PLCB1: variants seen among roughly 807,000 people sequenced by gnomAD.
The protein encoded by PLCB1 is 1-phosphatidylinositol 4,5-bisphosphate phosphodiesterase beta-1.
PLCB1 carries 46 observed loss-of-function variants against 161.8 expected under a neutral mutation model. That is an observed-to-expected ratio of 0.28 (90% confidence interval 0.22 to 0.36). The LOEUF (loss-of-function observed/expected upper bound fraction) is 0.36, where lower values mean the gene tolerates loss of function less well. PLCB1 is among the 10% of genes least tolerant of loss of function. The pLI is 1.00. For synonymous variants in PLCB1, 517 were observed against 503.7 expected, an observed-to-expected ratio of 1.03 and a Z score of -0.35; for missense variants, 1,016 against 1,472.5, an observed-to-expected ratio of 0.69 and a Z score of 5.07.
chr20:8,779,065 T>A (rs1270331181), intron 27 of PLCB1, among the ~76,000 whole-genome samples: 2 of 152,066 alleles, frequency 1.3e-5, no homozygotes, highest in East Asian at 3.9e-4. Context: ...AAAGAAGTAT[T>A]TGGGTGATGA....
At chr20:8,367,895 T>G (rs888204967) in intron 2 of PLCB1, among the ~76,000 whole-genome samples, 8 of 152,106 alleles carry the variant, frequency 5.3e-5, no homozygotes, top group African/African-American at 1.9e-4. Flanking sequence ...CTGTGGTATG[T>G]TAATAGAAGT....
intron 3 of PLCB1, among the ~76,000 whole-genome samples, chr20:8,471,805 TTC>T (rs1271799469): frequency 6.6e-6 from 1 of 152,138 alleles, no homozygotes; most frequent in Non-Finnish European, 1.5e-5. Flanking sequence ...CTGGGTAAGT[TTC>T]TCTCTTTTCA....
At chr20:8,453,312 A>C (rs1981157837) in intron 3 of PLCB1, among the ~76,000 whole-genome samples, 1 of 152,246 alleles carries the variant, frequency 6.6e-6, no homozygotes. Context: ...TGAAGGATAG[A>C]GATGATAACA....
intron 2 of PLCB1, among the ~76,000 whole-genome samples, chr20:8,254,844 T>C (rs2123230102): frequency 6.6e-6 from 1 of 152,176 alleles, no homozygotes; most frequent in East Asian, 1.9e-4. Flanking sequence ...TCTTGAATAA[T>C]AAAATTACAG....
chr20:8,156,640 C>T (rs1282372071), intron 2 of PLCB1, among the ~76,000 whole-genome samples: 1 of 152,184 alleles, frequency 6.6e-6, no homozygotes, highest in Non-Finnish European at 1.5e-5. Flanking sequence ...GTTGAGGAAA[C>T]CAGCTTTGAA....
intron 31 of PLCB1, chr20:8,880,950 AC>A: frequency 7.2e-6 from 1 of 139,312 alleles, no homozygotes; most frequent in African/African-American, 2.8e-5. Context: ...CACCACAACC[AC>A]TGCCTCCTGG....
chr20:8,494,445 A>G (rs1031035444), intron 3 of PLCB1, among the ~76,000 whole-genome samples: 3 of 152,238 alleles, frequency 2.0e-5, no homozygotes, highest in African/African-American at 7.2e-5. Flanking sequence ...GCCATGACCC[A>G]GCAGAATATT....
chr20:8,746,175 A>G (rs926653976), intron 23 of PLCB1, among the ~76,000 whole-genome samples: 1 of 152,042 alleles, frequency 6.6e-6, no homozygotes, highest in African/African-American at 2.4e-5. Context: ...CAGGTGATCC[A>G]CCTGCCTTGG....
intron 31 of PLCB1, among the ~76,000 whole-genome samples, chr20:8,808,605 A>G (rs1984659823): frequency 6.6e-6 from 1 of 152,224 alleles, no homozygotes; most frequent in Admixed American, 6.5e-5. Flanking sequence ...GAAAACTATC[A>G]TCTATTTACC....
chr20:8,270,469 A>T (rs1054052816), intron 2 of PLCB1, among the ~76,000 whole-genome samples: 3 of 152,292 alleles, frequency 2.0e-5, no homozygotes, highest in Middle Eastern at 6.8e-3. Context: ...TGGGAATGCA[A>T]ATCTCCAAGA....
chr20:8,800,357 A>G (rs1984225915), intron 31 of PLCB1, among the ~76,000 whole-genome samples: 1 of 152,248 alleles, frequency 6.6e-6, no homozygotes, highest in Non-Finnish European at 1.5e-5. Flanking sequence ...TGTGTTTATT[A>G]TAATCATTAG....
At chr20:8,775,162 G>C (rs1490956576) in intron 27 of PLCB1, among the ~76,000 whole-genome samples, 2 of 143,066 alleles carry the variant, frequency 1.4e-5, no homozygotes, top group South Asian at 4.4e-4. Context: ...ATTTAGAAAA[G>C]TCAGTACCTA....
At chr20:8,262,923 G>C (rs889753158) in intron 2 of PLCB1, among the ~76,000 whole-genome samples, 1 of 152,140 alleles carries the variant, frequency 6.6e-6, no homozygotes, top group Non-Finnish European at 1.5e-5. Flanking sequence ...ACTCCATCAT[G>C]AGGGTCCCCC....
At chr20:8,157,942 C>T (rs866802160) in intron 2 of PLCB1, among the ~76,000 whole-genome samples, 11 of 152,256 alleles carry the variant, frequency 7.2e-5, no homozygotes, top group South Asian at 2.1e-4. Flanking sequence ...TGTAATACCA[C>T]GAAAATTCAT....
intron 3 of PLCB1, among the ~76,000 whole-genome samples, chr20:8,443,186 T>G (rs1162560636): frequency 6.6e-6 from 1 of 152,106 alleles, no homozygotes; most frequent in Non-Finnish European, 1.5e-5. Flanking sequence ...TTCACCATAT[T>G]GGTCAGACTG....
chr20:8,390,114 T>G (rs1987545528), intron 3 of PLCB1, among the ~76,000 whole-genome samples: 1 of 152,198 alleles, frequency 6.6e-6, no homozygotes, highest in Non-Finnish European at 1.5e-5. Context: ...GTATCAGTCT[T>G]CTCTGGTTAC....
intron 3 of PLCB1, among the ~76,000 whole-genome samples, chr20:8,373,444 G>A (rs910943105): frequency 5.9e-5 from 9 of 152,116 alleles, no homozygotes; most frequent in African/African-American, 2.2e-4. Context: ...TAATTCATTA[G>A]GAAACCTTTA....
At chr20:8,771,960 C>T (rs1421071754) in intron 26 of PLCB1, among the ~76,000 whole-genome samples, 1 of 151,676 alleles carries the variant, frequency 6.6e-6, no homozygotes, top group East Asian at 1.9e-4. Context: ...CAACTCACTG[C>T]AGTCTCGACC....
In PLCB1 at chr20:8,750,632, T is replaced by C. The variant is rs541846490; in HGVS notation, c.2524-6414T>C. 6.6e-5 allele frequency among the ~76,000 whole-genome samples: 10 copies of C among 152,246 alleles called. No homozygotes were observed. The South Asian group carries it at 2.1e-3, about 32-fold the overall frequency. ...TGGGAGTGCATACAGCAGGACAAAG[T>C]TTGTTAAAGTGATTCTGAATTTCTT... On this transcript the variant is annotated intron_variant, in intron 23 of 31. Coordinates refer to ENST00000338037, the MANE Select transcript of PLCB1 (RefSeq NM_015192.4).
Sources: allele counts gnomAD v4.1 joint callset (sites outside exome capture counted in the v4.1 genomes callset), GRCh38; gene constraint gnomAD v4.1.1; transcripts MANE v1.5; gene names NCBI Gene and HGNC (gene_info 2026-07-23, HGNC 2026-07-21).